The following ZMYM2 variants were observed in gnomAD, a reference collection of about 807,000 sequenced individuals.
ZMYM2 encodes the protein zinc finger MYM-type protein 2.
A neutral mutation model predicts 162.8 loss-of-function variants in ZMYM2; 56 were observed. That is an observed-to-expected ratio of 0.34 (90% CI 0.28 to 0.43). The LOEUF (loss-of-function observed/expected upper bound fraction) is 0.43. Among genes scored for constraint, ZMYM2 ranks in the 20% least tolerant of loss-of-function variants. The pLI, the probability that ZMYM2 is intolerant of heterozygous loss-of-function variation, is 1.00. For synonymous variants in ZMYM2, 510 were observed against 541.6 expected, an observed-to-expected ratio of 0.94 and a Z score of 0.81; for missense variants, 1,275 against 1,621.8, an observed-to-expected ratio of 0.79 and a Z score of 3.67.
intron 2 of ZMYM2, chr13:19,965,215 T>C (rs912472023): frequency 2.3e-5 from 30 of 1,282,764 alleles, no homozygotes; most frequent in Middle Eastern, 2.1e-4. Context: ...CTTTTTACTT[T>C]ATAGCCATAC....
the ZMYM2 span, among the ~76,000 whole-genome samples, chr13:19,949,627 T>C: frequency 2.7e-5 from 4 of 150,088 alleles, no homozygotes; most frequent in African/African-American, 9.8e-5. Context: ...GGTGGCTCAC[T>C]CCTGTAATCC....
the ZMYM2 span, among the ~76,000 whole-genome samples, chr13:19,868,556 G>A: frequency 6.6e-6 from 1 of 152,110 alleles, no homozygotes; most frequent in Non-Finnish European, 1.5e-5. Context: ...GAAGCTAGGA[G>A]TATTTATTGC....
intron 2 of ZMYM2, among the ~76,000 whole-genome samples, chr13:19,962,016 T>C (rs1164028329): frequency 6.6e-6 from 1 of 152,208 alleles, no homozygotes; most frequent in East Asian, 1.9e-4. Context: ...CCACCTATCC[T>C]TTTAAATTGT....
intron 21 of ZMYM2, among the ~76,000 whole-genome samples, chr13:20,080,886 C>T (rs1957865709): frequency 6.6e-6 from 1 of 152,184 alleles, no homozygotes; most frequent in Non-Finnish European, 1.5e-5. Flanking sequence ...GCTTGTATGT[C>T]ATGCAGACAT....
intron 12 of ZMYM2, among the ~76,000 whole-genome samples, chr13:20,039,473 G>GTT (rs71070289): frequency 0.029 from 2,967 of 101,170 alleles, 146 homozygotes; most frequent in African/African-American, 0.092. Flanking sequence ...TTTATTGAGA[G>GTT]TTTTTTTTTT....
chr13:19,930,867 C>T, the ZMYM2 span, among the ~76,000 whole-genome samples: 1 of 149,860 alleles, frequency 6.7e-6, no homozygotes, highest in Non-Finnish European at 1.5e-5. Context: ...AGGCCGGGCG[C>T]GGTGGCTCAT....
intron 6 of ZMYM2, among the ~76,000 whole-genome samples, chr13:20,008,540 T>G (rs935627104): frequency 6.6e-6 from 1 of 152,260 alleles, no homozygotes; most frequent in African/African-American, 2.4e-5. Context: ...ACTGGGAGCC[T>G]CAGAATGTAT....
At chr13:20,072,849 A>G (rs1180356810) in intron 21 of ZMYM2, among the ~76,000 whole-genome samples, 1 of 151,764 alleles carries the variant, frequency 6.6e-6, no homozygotes, top group Non-Finnish European at 1.5e-5. Flanking sequence ...AAGTTTGGTA[A>G]TATTTTCTTA....
At chr13:20,073,500 G>A (rs1489587378) in intron 21 of ZMYM2, among the ~76,000 whole-genome samples, 1 of 152,104 alleles carries the variant, frequency 6.6e-6, no homozygotes, top group Non-Finnish European at 1.5e-5. Context: ...TTGAGTCTGA[G>A]TTGTATTATT....
rs746298053 is a variant in ZMYM2 at position 20,051,632 on chromosome 13, C to G, written c.2458+34C>G. 8.2e-6 allele frequency: 13 copies of G among 1,579,788 alleles called. No individual in the cohort carries two copies. In the Admixed American group the frequency reaches 1.5e-4, roughly 18 times the overall value. On this transcript the variant is annotated intron_variant, in intron 13 of 24. Transcript: ENST00000610343. ...TGATTTAGGTGATAACTTGAAAACC[C>G]TGTACATCAGTCTTTACGTAGTTTT... is the stretch of plus-strand genomic sequence containing the variant.
intron 2 of ZMYM2, among the ~76,000 whole-genome samples, chr13:19,971,262 A>ATATATATATATAT (rs1329532735): frequency 2.6e-5 from 2 of 78,332 alleles, no homozygotes; most frequent in African/African-American, 9.3e-5. Flanking sequence ...ATATATATAT[A>ATATATATATATAT]TTTTTTTTTT....
intron 2 of ZMYM2, among the ~76,000 whole-genome samples, chr13:19,973,259 T>G (rs1956481439): frequency 6.6e-6 from 1 of 152,160 alleles, no homozygotes; most frequent in Admixed American, 6.5e-5. Flanking sequence ...ATTTATGGTA[T>G]CTTTGTTTGC....
At chr13:19,948,569 A>T in the ZMYM2 span, among the ~76,000 whole-genome samples, 2 of 152,250 alleles carry the variant, frequency 1.3e-5, no homozygotes, top group African/African-American at 4.8e-5. Flanking sequence ...TCATGGAGAC[A>T]GCAGAAAGAT....
intron 2 of ZMYM2, among the ~76,000 whole-genome samples, chr13:19,988,852 G>A (rs1284597283): frequency 6.6e-6 from 1 of 152,148 alleles, no homozygotes; most frequent in East Asian, 1.9e-4. Context: ...TCTGTGAAAA[G>A]TGCTTATTCT....
At chr13:20,023,416 C>T (rs1202565392) in intron 7 of ZMYM2, among the ~76,000 whole-genome samples, 1 of 152,064 alleles carries the variant, frequency 6.6e-6, no homozygotes, top group Non-Finnish European at 1.5e-5. Flanking sequence ...AATATACTTC[C>T]TATATGTAGA....
chr13:19,890,731 G>T, the ZMYM2 span, among the ~76,000 whole-genome samples: 1 of 151,620 alleles, frequency 6.6e-6, no homozygotes, highest in Non-Finnish European at 1.5e-5. Flanking sequence ...AATTAGCCAG[G>T]CATGGTGGCA....
At position 20,014,781 on chromosome 13, in the gene ZMYM2, T is replaced by TG. The variant is rs1179546346; in HGVS notation, c.1513-4766_1513-4765insG. Among the ~76,000 whole-genome samples the TG allele has an allele frequency of 9.3e-4, 139 of 150,136 alleles. No individual in the cohort carries two copies. The Middle Eastern group carries it at 0.01, about 11-fold the overall frequency. On this transcript the variant is annotated intron_variant, in intron 6 of 24. Transcript: ENST00000610343. ...CTTTAGGTTTTTTTTTTTTTTTTTT[T>TG]TGGGGACAAAGTCTCACTCTATTGC...
At chr13:20,026,450 C>CTA in intron 7 of ZMYM2, 162 bp from the exon 8 acceptor site, 1 of 572,992 alleles carries the variant, frequency 1.7e-6, no homozygotes. Context: ...GCAGTTGTTG[C>CTA]ATAGTTAATA....
the ZMYM2 span, among the ~76,000 whole-genome samples, chr13:19,952,722 G>A: frequency 6.6e-6 from 1 of 152,010 alleles, no homozygotes; most frequent in Admixed American, 6.5e-5. Context: ...TTGGTTGGAG[G>A]CATTGGGATC....
Sources: allele counts gnomAD v4.1 joint callset (sites outside exome capture counted in the v4.1 genomes callset), GRCh38; gene constraint gnomAD v4.1.1; transcripts MANE v1.5; gene names NCBI Gene and HGNC (gene_info 2026-07-23, HGNC 2026-07-21).